The following KLHL4 variants were observed in gnomAD, a reference collection of about 807,000 sequenced individuals.
KLHL4 encodes kelch like family member 4.
Under a neutral mutation model 45.8 loss-of-function variants are expected in KLHL4, and 17 were observed. The ratio of observed to expected loss-of-function variants is 0.37; its 90% CI spans 0.25 to 0.56. The LOEUF (loss-of-function observed/expected upper bound fraction) is 0.56, where lower values mean the gene tolerates loss of function less well. Among genes scored for constraint, KLHL4 ranks in the 20% least tolerant of loss-of-function variants. KLHL4 has a pLI of 0.79. For missense variants in KLHL4, 544 were observed against 544.9 expected (o/e 1.00, Z 0.02); for synonymous variants, 224 against 189.9 (o/e 1.18, Z -1.47).
chrX:87,613,830 A>G, intron 1 of KLHL4, 47 bp from the exon 2 acceptor site: 2 of 979,049 alleles, frequency 2.0e-6, no homozygotes, highest in Non-Finnish European at 2.7e-6. Context: ...TAAATTTTTT[A>G]CAAAATTATA....
chrX:87,630,328 G>T (rs1923055836), intron 6 of KLHL4, among the ~76,000 whole-genome samples: 1 of 110,976 alleles, frequency 9.0e-6, no homozygotes, highest in South Asian at 3.8e-4. Flanking sequence ...CTGATTTTGT[G>T]TAATTGGGAT....
At chrX:87,585,707 A>G (rs1921449316) in intron 1 of KLHL4, among the ~76,000 whole-genome samples, 1 of 111,456 alleles carries the variant, frequency 9.0e-6, no homozygotes, top group African/African-American at 3.3e-5. Context: ...GAAATAAGGA[A>G]GAGATGACCA....
At chrX:87,608,122 C>T (rs764555041) in intron 1 of KLHL4, among the ~76,000 whole-genome samples, 15 of 111,820 alleles carry the variant, frequency 1.3e-4, no homozygotes, top group East Asian at 2.8e-4. Context: ...GCATTCTTTA[C>T]GTAATCCATC....
Position 87,571,651 on chromosome X carries a change from AG to A in KLHL4, c.423-42225del, listed in dbSNP as rs1177450052. Among the ~76,000 whole-genome samples, 12 of 111,418 alleles carry A rather than the reference AG, an allele frequency of 1.1e-4. No individual in the cohort carries two copies. In the South Asian group the frequency reaches 4.4e-3, roughly 41 times the overall value. ...AAAAGCTTTAATGCTTCAAAAACAT[AG>A]TTTTCCCTATATTTTTATAACACAT... On this transcript the variant is annotated intron_variant, in intron 1 of 10. Coordinates refer to ENST00000373119, the MANE Select transcript of KLHL4 (RefSeq NM_019117.5).
chrX:87,666,912 GT>G lies in KLHL4; in HGVS notation c.*387del, dbSNP rs538930195. ...GCCTTAAAAGTTAAAAACATTTTCA[GT>G]TTTTTTTTAAAAAACGTACTCTTAT... is the stretch of plus-strand genomic sequence containing the variant. On this transcript the variant is annotated 3_prime_UTR_variant, in exon 11 of 11. Transcript: ENST00000373119. 0.01 allele frequency: 7,141 copies of G among 698,917 alleles called. 338 individuals are homozygous for G. The African/African-American group carries it at 0.14, about 14-fold the overall frequency. 57.6% of individuals were successfully genotyped at this position (698,917 alleles called of 1,213,427 possible).
chrX:87,600,189 TAA>T (rs1921963250), intron 1 of KLHL4, among the ~76,000 whole-genome samples: 1 of 110,820 alleles, frequency 9.0e-6, no homozygotes, highest in South Asian at 3.8e-4. Flanking sequence ...TCCGGTCATT[TAA>T]AAGTGTGTAG....
At chrX:87,612,715 C>A (rs1377507242) in intron 1 of KLHL4, among the ~76,000 whole-genome samples, 2 of 111,745 alleles carry the variant, frequency 1.8e-5, no homozygotes, top group Non-Finnish European at 3.8e-5. Context: ...TAAAATTATC[C>A]AGTAAGCATG....
At chrX:87,575,375 T>G (rs1921066580) in intron 1 of KLHL4, among the ~76,000 whole-genome samples, 1 of 111,714 alleles carries the variant, frequency 9.0e-6, no homozygotes, top group Non-Finnish European at 1.9e-5. Context: ...TAATGCCTGA[T>G]GATCTGATGT....
At chrX:87,548,775 TA>T (rs1296538351) in intron 1 of KLHL4, among the ~76,000 whole-genome samples, 1 of 77,763 alleles carries the variant, frequency 1.3e-5, no homozygotes, top group South Asian at 5.7e-4. Context: ...CATGGATTCA[TA>T]AAAAAACCAA....
chrX:87,661,895 C>A (rs1471533359), intron 9 of KLHL4, among the ~76,000 whole-genome samples: 1 of 111,471 alleles, frequency 9.0e-6, no homozygotes, highest in Non-Finnish European at 1.9e-5. Flanking sequence ...GACCCAGTTA[C>A]TTTACATCTC....
intron 1 of KLHL4, among the ~76,000 whole-genome samples, chrX:87,583,088 C>T (rs774702013): frequency 1.0e-3 from 112 of 111,647 alleles, no homozygotes; most frequent in African/African-American, 3.4e-3. Context: ...ATGATTGGTG[C>T]GTTTTTACAG....
chrX:87,530,943 A>G (rs1931257080), intron 1 of KLHL4, among the ~76,000 whole-genome samples: 2 of 110,681 alleles, frequency 1.8e-5, no homozygotes, highest in South Asian at 7.7e-4. Flanking sequence ...TTGTTTCCTG[A>G]CTTTTTAATG....
chrX:87,614,698 C>G, intron 3 of KLHL4, 128 bp downstream of exon 3: 2 of 548,171 alleles, frequency 3.6e-6, no homozygotes, highest in Non-Finnish European at 5.4e-6. Context: ...ACTGCTACTA[C>G]AACTACAAAG....
chrX:87,643,381 C>A (rs982456908), intron 9 of KLHL4, among the ~76,000 whole-genome samples: 3 of 110,674 alleles, frequency 2.7e-5, no homozygotes, highest in Admixed American at 1.9e-4. Context: ...TTGAACAGAC[C>A]AATAACAAGC....
At chrX:87,661,459 C>T (rs1602471157) in intron 9 of KLHL4, among the ~76,000 whole-genome samples, 1 of 111,159 alleles carries the variant, frequency 9.0e-6, no homozygotes, top group East Asian at 2.8e-4. Context: ...TTGTGGAATT[C>T]TGTGTTAAAA....
chrX:87,536,921 A>T (rs1931442368), intron 1 of KLHL4, among the ~76,000 whole-genome samples: 1 of 112,003 alleles, frequency 8.9e-6, no homozygotes, highest in South Asian at 3.6e-4. Context: ...ACATAAGTTT[A>T]AAATTTAATT....
At chrX:87,556,921 G>A (rs1355681534) in intron 1 of KLHL4, among the ~76,000 whole-genome samples, 1 of 111,265 alleles carries the variant, frequency 9.0e-6, no homozygotes, top group African/African-American at 3.3e-5. Flanking sequence ...GGGAAAGCCT[G>A]ATGCGCTTTA....
chrX:87,528,577 T>C, intron 1 of KLHL4, among the ~76,000 whole-genome samples: 1 of 107,526 alleles, frequency 9.3e-6, no homozygotes, highest in Non-Finnish European at 1.9e-5. Context: ...TAGCTCAGCG[T>C]GGTGGCACGT....
rs1461340187 is a variant in KLHL4, at chrX:87,632,322, T to C, written c.1437T>C (p.Tyr479=). The C allele has an allele frequency of 8.3e-7, 1 of 1,209,691 alleles. No homozygotes were observed. Among genetic ancestry groups the C allele is most frequent in the South Asian group, 1.8e-5 (1 of 56,904 alleles). The change falls in exon 7 of 11, where the codon TAT becomes TAC. Residue 479 remains tyrosine, a synonymous_variant. Coordinates refer to ENST00000373119, the MANE Select transcript of KLHL4 (RefSeq NM_019117.5). ...FGVAVIDNKL[Y]VVGGRDGLKT... is the part of the protein sequence containing the mutation. ...TCGCAGTTATTGATAATAAGCTCTA[T>C]GTCGTGGGAGGAAGAGACGGTTTAA...
Sources: gnomAD v4.1 joint callset for allele counts (sites outside exome capture counted in the v4.1 genomes callset) on GRCh38, gnomAD v4.1.1 for gene constraint, MANE v1.5 for transcripts, NCBI Gene and HGNC (gene_info 2026-07-23, HGNC 2026-07-21) for gene names.